PLSCR1: variants seen among roughly 807,000 people sequenced by gnomAD.
The protein encoded by PLSCR1 is phospholipid scramblase 1.
In PLSCR1, 17 loss-of-function variants were observed where a neutral mutation model predicts 37.8. That is an observed-to-expected ratio of 0.45 (90% CI 0.31 to 0.68). PLSCR1 has a LOEUF of 0.68. Ranked by LOEUF, PLSCR1 falls within the 30% of genes least tolerant of loss-of-function variation. The pLI, the probability that PLSCR1 is intolerant of heterozygous loss-of-function variation, is 0.06. For missense variants in PLSCR1, 347 were observed against 380.9 expected (o/e 0.91, Z 0.74); for synonymous variants, 116 against 125.9 (o/e 0.92, Z 0.53).
chr3:146,536,563 G>T lies in PLSCR1; in HGVS notation c.-11C>A. The T allele has an allele frequency of 6.8e-7, 1 of 1,465,300 alleles. No homozygotes were observed. The highest frequency in any genetic ancestry group is 9.6e-7 in the Non-Finnish European group (1 of 1,045,308). 90.8% of individuals were successfully genotyped at this position (1,465,300 alleles called of 1,614,324 possible). ...ACTTTGTTTGTCCATGATTAAAACA[G>T]TTCTGAAAAAGAAGATCTGACATTA... On this transcript the variant is annotated splice_region_variant and 5_prime_UTR_variant, in exon 2 of 9. The change creates a new upstream start codon in the 5' untranslated region. Transcript: ENST00000342435.
intron 7 of PLSCR1, among the ~76,000 whole-genome samples, chr3:146,521,135 G>A (rs2044013316): frequency 6.6e-6 from 1 of 152,076 alleles, no homozygotes; most frequent in Non-Finnish European, 1.5e-5. Flanking sequence ...ATTCAAAGAT[G>A]TCAGACATTC....
At chr3:146,533,214 G>A (rs1447446527) in intron 3 of PLSCR1, among the ~76,000 whole-genome samples, 1 of 151,940 alleles carries the variant, frequency 6.6e-6, no homozygotes, top group Non-Finnish European at 1.5e-5. Context: ...ACCTAATGTT[G>A]TTTTTACTAG....
intron 3 of PLSCR1, among the ~76,000 whole-genome samples, chr3:146,530,076 G>A (rs539924970): frequency 5.9e-5 from 9 of 152,284 alleles, no homozygotes; most frequent in Middle Eastern, 3.4e-3. Flanking sequence ...TATTCTCTGC[G>A]AATGTGTGAT....
At chr3:146,534,831 G>A (rs929946625) in intron 2 of PLSCR1, among the ~76,000 whole-genome samples, 5 of 151,992 alleles carry the variant, frequency 3.3e-5, no homozygotes, top group Admixed American at 1.3e-4. Context: ...AGCCGAGATC[G>A]TGCCACTGCA....
chr3:146,540,069 A>G (rs1218645201), intron 1 of PLSCR1, among the ~76,000 whole-genome samples: 1 of 152,188 alleles, frequency 6.6e-6, no homozygotes, highest in Admixed American at 6.5e-5. Context: ...TTAGCATGAT[A>G]ATTCATAAAT....
Position 146,528,708 on chromosome 3 carries a change from A to G in PLSCR1, c.218T>C (p.Val73Ala). 5 of 1,613,510 alleles carry G rather than the reference A, an allele frequency of 3.1e-6. No homozygotes were observed. The highest frequency in any genetic ancestry group is 4.2e-6 in the Non-Finnish European group (5 of 1,179,508). Reference sequence around the variant, plus strand: ...TGCAGCTCCAACTGGCTGATTATATACTGGCTGATTATACACTGGCTGATT... The same window carrying G: ...TGCAGCTCCAACTGGCTGATTATATGCTGGCTGATTATACACTGGCTGATT... Reference protein sequence around the residue: ...VPNQPVYNQPVYNQPVGAAGV... With the variant: ...VPNQPVYNQPAYNQPVGAAGV... Residue 73 changes from valine (V) to alanine (A), a missense_variant, in exon 4 of 9, where the codon GTA becomes GCA. Val to Ala is a moderately conservative substitution (Grantham distance 64, BLOSUM62 0). Coordinates refer to ENST00000342435, the MANE Select transcript of PLSCR1 (RefSeq NM_021105.3).
chr3:146,523,490 A>AT (rs34227706), intron 5 of PLSCR1, among the ~76,000 whole-genome samples: 4 of 152,262 alleles, frequency 2.6e-5, no homozygotes, highest in South Asian at 2.1e-4. Context: ...CTTATGTCTT[A>AT]TTTTTTTGCA....
intron 3 of PLSCR1, among the ~76,000 whole-genome samples, 161 bp downstream of exon 3, chr3:146,533,309 T>C (rs560634425): frequency 4.7e-4 from 71 of 152,224 alleles, no homozygotes; most frequent in African/African-American, 1.3e-3. Context: ...CAAGAACAAC[T>C]AGGCTGCCAA....
intron 1 of PLSCR1, among the ~76,000 whole-genome samples, chr3:146,540,456 G>C (rs1007228750): frequency 5.9e-5 from 9 of 152,126 alleles, no homozygotes; most frequent in Non-Finnish European, 1.0e-4. Flanking sequence ...TCATATTACA[G>C]TGAAACTCTT....
chr3:146,529,349 G>C (rs1055257090), intron 3 of PLSCR1, among the ~76,000 whole-genome samples: 4 of 151,974 alleles, frequency 2.6e-5, no homozygotes, highest in Non-Finnish European at 5.9e-5. Flanking sequence ...GACTTTTTTT[G>C]GTCACAACTG....
intron 1 of PLSCR1, 65 bp from the exon 2 acceptor site, chr3:146,536,630 A>C (rs2044269281): frequency 1.1e-6 from 1 of 913,094 alleles, no homozygotes; most frequent in South Asian, 1.3e-5. Flanking sequence ...TAACAGTTGA[A>C]TCGGGATACT....
rs2044027910 is a variant in PLSCR1 at position 146,521,894 on chromosome 3, A to G, written c.515T>C (p.Val172Ala). 3 of 1,613,846 alleles carry G rather than the reference A, an allele frequency of 1.9e-6. No individual in the cohort carries two copies. The South Asian group carries it at 3.3e-5, about 18-fold the overall frequency. Residue 172 changes from valine to alanine, a missense_variant, in exon 6 of 9, where the codon GTC becomes GCC. By Grantham distance (64) the Val-to-Ala change is moderately conservative. Transcript: ENST00000342435. The stretch of plus-strand genomic sequence containing the variant: ...TCTTAGTGGTCTCTCCAGAGTTATG[A>G]CTTCTTGACCCATATTATCAATAAT... The part of the protein sequence containing the change: ...LRIIDNMGQE[V>A]ITLERPLRCS...
chr3:146,536,276 C>T (rs1192464212), intron 2 of PLSCR1, among the ~76,000 whole-genome samples: 1 of 152,122 alleles, frequency 6.6e-6, no homozygotes, highest in Non-Finnish European at 1.5e-5. Flanking sequence ...ATATATGTTA[C>T]AGAACATATT....
At chr3:146,530,775 G>C (rs79526352) in intron 3 of PLSCR1, among the ~76,000 whole-genome samples, 2 of 152,172 alleles carry the variant, frequency 1.3e-5, no homozygotes, top group Non-Finnish European at 2.9e-5. Context: ...CATCAAAGGA[G>C]GCCTTAGTAA....
chr3:146,525,503 T>C, intron 5 of PLSCR1, 102 bp downstream of exon 5: 1 of 679,016 alleles, frequency 1.5e-6, no homozygotes, highest in Non-Finnish European at 2.6e-6. Flanking sequence ...GGTTTAACTG[T>C]CCTATATAAG....
chr3:146,523,009 GTCCT>G (rs1343470280), intron 5 of PLSCR1, among the ~76,000 whole-genome samples: 2 of 152,036 alleles, frequency 1.3e-5, no homozygotes, highest in African/African-American at 4.8e-5. Flanking sequence ...TTATCCTATT[GTCCT>G]GCCACATCCC....
intron 5 of PLSCR1, 98 bp downstream of exon 5, chr3:146,525,507 A>G (rs2044094974): frequency 1.4e-6 from 1 of 708,808 alleles, no homozygotes; most frequent in Non-Finnish European, 2.6e-6. Context: ...TAACTGTCCT[A>G]TATAAGTGAG....
intron 7 of PLSCR1, among the ~76,000 whole-genome samples, 166 bp downstream of exon 7, chr3:146,521,378 C>T (rs1043564522): frequency 9.9e-5 from 15 of 152,082 alleles, no homozygotes; most frequent in African/African-American, 3.6e-4. Context: ...GACCTTTAAT[C>T]AGAGTGATAA....
At chr3:146,541,163 C>T (rs2044333562) in intron 1 of PLSCR1, 1 of 152,060 alleles carries the variant, frequency 6.6e-6, no homozygotes, top group Non-Finnish European at 1.5e-5. Context: ...CCATAAAAAT[C>T]CTCTTGTGTA....
Sources: gnomAD v4.1 joint callset for allele counts (sites outside exome capture counted in the v4.1 genomes callset) on GRCh38, gnomAD v4.1.1 for gene constraint, MANE v1.5 for transcripts, NCBI Gene and HGNC (gene_info 2026-07-23, HGNC 2026-07-21) for gene names.